ABCA1: variants seen among roughly 807,000 people sequenced by gnomAD.
ABCA1 encodes ATP binding cassette subfamily A member 1.
In ABCA1, 133 loss-of-function variants were observed where a neutral mutation model predicts 262.5. The ratio of observed to expected loss-of-function variants is 0.51; its 90% CI spans 0.44 to 0.59. ABCA1 has a LOEUF of 0.59. Among genes scored for constraint, ABCA1 ranks in the 20% least tolerant of loss-of-function variants. ABCA1 has a pLI of 0.00. For synonymous variants in ABCA1, 1,022 were observed against 1,043.5 expected, an observed-to-expected ratio of 0.98 and a Z score of 0.40; for missense variants, 2,452 against 2,777.5, an observed-to-expected ratio of 0.88 and a Z score of 2.63.
At chr9:104,903,793 G>A (rs1207356017) in intron 1 of ABCA1, 22 bp from the exon 2 acceptor site, 6 of 979,706 alleles carry the variant, frequency 6.1e-6, no homozygotes, top group South Asian at 1.4e-5. Context: ...AGCAGGAGGG[G>A]AAACAGCCAT....
intron 7 of ABCA1, among the ~76,000 whole-genome samples, chr9:104,854,433 A>T (rs550318583): frequency 6.6e-6 from 1 of 152,104 alleles, no homozygotes; most frequent in Admixed American, 6.6e-5. Flanking sequence ...ACTGCTAAGT[A>T]TTTGGTGACT....
rs775526221 is a variant in ABCA1, at chr9:104,821,506, C to G, written c.2829G>C (p.Met943Ile). ...GGGGGAACAACCCGGTCAGGATTGA[C>G]CTGAGGACAAAAATTTAGAAGTACA... ...GHNGAGKTTT[M>I]SILTGLFPPT... Residue 943 changes from methionine to isoleucine, a missense_variant and splice_region_variant, in exon 20 of 50, where the codon ATG becomes ATC. By Grantham distance (10) the Met-to-Ile change is conservative. Around this residue, in one of 4 missense-constraint regions of ABCA1, gnomAD observed 665 missense variants for 727.3 expected, o/e 0.91. Coordinates refer to ENST00000374736, the MANE Select transcript of ABCA1 (RefSeq NM_005502.4). The G allele has an allele frequency of 1.9e-6, 3 of 1,613,794 alleles. No homozygotes were observed. Among genetic ancestry groups the G allele is most frequent in the Non-Finnish European group, 2.5e-6 (3 of 1,179,988 alleles).
At chr9:104,913,260 CTTGAG>C (rs1348546059) in intron 1 of ABCA1, among the ~76,000 whole-genome samples, 2 of 152,130 alleles carry the variant, frequency 1.3e-5, no homozygotes, top group African/African-American at 2.4e-5. Context: ...CCTTTGTTGT[CTTGAG>C]TTAATTGTTT....
Position 104,798,516 on chromosome 9 carries a change from G to A in ABCA1, c.5026C>T (p.Leu1676=). ...GCTTTGCTGACCCGCTCCTGGATCAGGAATACGACAAAGCTGGCTGGGACG... is the reference window on the plus strand; with the variant it reads ...GCTTTGCTGACCCGCTCCTGGATCAAGAATACGACAAAGCTGGCTGGGACG... ...SFVPASFVVF[L]IQERVSKAKH... is the part of the protein sequence containing the mutation. The change falls in exon 37 of 50, where the codon CTG becomes TTG. Residue 1676 remains leucine (L), a synonymous_variant. Coordinates refer to ENST00000374736, the MANE Select transcript of ABCA1 (RefSeq NM_005502.4). 1.2e-6 allele frequency: 2 copies of A among 1,614,164 alleles called. No individual in the cohort carries two copies. The highest frequency in any genetic ancestry group is 1.7e-6 in the Non-Finnish European group (2 of 1,180,022).
At chr9:104,910,741 G>T (rs1841445445) in intron 1 of ABCA1, among the ~76,000 whole-genome samples, 1 of 152,072 alleles carries the variant, frequency 6.6e-6, no homozygotes, top group Non-Finnish European at 1.5e-5. Flanking sequence ...ATCTCACTCT[G>T]GTGCCCAGGT....
At chr9:104,803,345 T>C in intron 32 of ABCA1, 29 bp from the exon 33 acceptor site, 1 of 1,612,502 alleles carries the variant, frequency 6.2e-7, no homozygotes, top group Non-Finnish European at 8.5e-7. Flanking sequence ...AAAAAATCAG[T>C]TCAAAGAAAG....
At chr9:104,795,340 T>C (rs1829807061) in intron 39 of ABCA1, among the ~76,000 whole-genome samples, 1 of 152,110 alleles carries the variant, frequency 6.6e-6, no homozygotes, top group South Asian at 2.1e-4. Context: ...TAAAAGGCCT[T>C]GTGTGCTGTG....
At chr9:104,869,439 C>T (rs1261390679) in intron 5 of ABCA1, among the ~76,000 whole-genome samples, 1 of 152,096 alleles carries the variant, frequency 6.6e-6, no homozygotes, top group Non-Finnish European at 1.5e-5. Context: ...CAAATAAGAC[C>T]TTGAAATACT....
chr9:104,820,209 TA>T, intron 20 of ABCA1, 140 bp from the exon 21 acceptor site: 1 of 1,119,744 alleles, frequency 8.9e-7, no homozygotes, highest in South Asian at 1.3e-5. Context: ...TTCTGAAAAA[TA>T]ATCTTCAAGA....
intron 5 of ABCA1, among the ~76,000 whole-genome samples, chr9:104,871,604 G>T (rs1177883766): frequency 6.6e-6 from 1 of 152,136 alleles, no homozygotes; most frequent in Non-Finnish European, 1.5e-5. Flanking sequence ...GACCTGAACA[G>T]AATGAGAAGA....
chr9:104,882,030 A>AAAAAAAAAAAAAAAAAAAC lies in ABCA1; in HGVS notation c.421+1008_421+1009insGTTTTTTTTTTTTTTTTTT, dbSNP rs1423393114. Among the ~76,000 whole-genome samples, 30 of 36,328 alleles carry AAAAAAAAAAAAAAAAAAAC rather than the reference A, an allele frequency of 8.3e-4. 1 individual carries two copies. The highest frequency in any genetic ancestry group is 1.2e-3 in the Admixed American group (5 of 4,170). The allele number at this position is 36,328 out of a possible 152,430, so 23.8% of individuals were successfully genotyped here. The stretch of plus-strand genomic sequence containing the variant: ...AGGAAAGCACAGTTCTGTAGCCTTA[A>AAAAAAAAAAAAAAAAAAAC]AAAAAAAAAAAAAAAAAAAAAAAAA... On this transcript the variant is annotated intron_variant, in intron 5 of 49. Coordinates refer to ENST00000374736, the MANE Select transcript of ABCA1 (RefSeq NM_005502.4).
chr9:104,889,735 C>T (rs934553907), intron 2 of ABCA1, among the ~76,000 whole-genome samples: 2 of 152,198 alleles, frequency 1.3e-5, no homozygotes, highest in East Asian at 3.9e-4. Context: ...ATACACACAA[C>T]CCTTGCTCCT....
Position 104,827,178 on chromosome 9 carries a change from G to T in ABCA1, c.2116-9C>A. On this transcript the variant is annotated splice_polypyrimidine_tract_variant and intron_variant, in intron 15 of 49. Transcript: ENST00000374736. ...GGCAGCAGGTTTCCTAACTGGGAAG[G>T]AAGAGACACATCAAATGTGCTGCCT... 2 of 1,609,684 alleles carry T rather than the reference G, an allele frequency of 1.2e-6. No homozygotes were observed. The highest frequency in any genetic ancestry group is 1.7e-6 in the Non-Finnish European group (2 of 1,176,192).
intron 5 of ABCA1, among the ~76,000 whole-genome samples, chr9:104,864,585 CA>C (rs749096613): frequency 6.6e-6 from 1 of 151,902 alleles, no homozygotes; most frequent in Non-Finnish European, 1.5e-5. Context: ...AATGAAGGGT[CA>C]AAAAAGGCCT....
At position 104,862,749 on chromosome 9, in the gene ABCA1, A is replaced by G. The variant is rs1395879913; in HGVS notation, c.422-949T>C. On this transcript the variant is annotated intron_variant, in intron 5 of 49. Transcript: ENST00000374736. ...CACCCCCACCCCCACCCCCACCCCC[A>G]CCCCCAGAGTTTCTGATACAGCGGC... is the stretch of plus-strand genomic sequence containing the variant. Among the ~76,000 whole-genome samples, 236 of 73,318 alleles carry G rather than the reference A, an allele frequency of 3.2e-3. 12 individuals carry two copies. The highest frequency in any genetic ancestry group is 0.011 in the African/African-American group (220 of 20,064). 48.1% of individuals were successfully genotyped at this position (73,318 alleles called of 152,430 possible). A position where few individuals can be genotyped will look rare whatever the true frequency, so the allele number is the denominator to read the frequency against.
At chr9:104,787,077 T>A in intron 46 of ABCA1, 101 bp from the exon 47 acceptor site, 1 of 926,732 alleles carries the variant, frequency 1.1e-6, no homozygotes, top group Non-Finnish European at 1.7e-6. Flanking sequence ...GCTTAAATTT[T>A]AACTTGCCAT....
chr9:104,801,695 C>T (rs145989501), intron 34 of ABCA1, among the ~76,000 whole-genome samples: 1 of 152,162 alleles, frequency 6.6e-6, no homozygotes, highest in Non-Finnish European at 1.5e-5. Flanking sequence ...GTGTGTGCCA[C>T]CAAGCCCAGC....
intron 33 of ABCA1, 34 bp downstream of exon 33, chr9:104,803,250 C>G (rs372443360): frequency 1.2e-6 from 2 of 1,611,982 alleles, no homozygotes; most frequent in East Asian, 2.2e-5. Context: ...CATCCTCCCC[C>G]TGAGCTAAAC....
chr9:104,913,089 T>C lies in ABCA1; in HGVS notation c.-92-9318A>G, dbSNP rs114082932. Among the ~76,000 whole-genome samples the C allele has an allele frequency of 4.7e-3, 711 of 152,302 alleles. 4 individuals are homozygous for C. The highest frequency in any genetic ancestry group is 0.017 in the African/African-American group (686 of 41,568). ...TTGGATTACATCTCTGAAGAATCAG[T>C]GTCTTCAGATGTTCAACCTTCTCCC... On this transcript the variant is annotated intron_variant, in intron 1 of 49. Transcript: ENST00000374736.
Sources: gnomAD v4.1 joint callset for allele counts (sites outside exome capture counted in the v4.1 genomes callset) on GRCh38, gnomAD v4.1.1 for gene constraint, gnomAD v4.1.1 regional missense constraint, MANE v1.5 for transcripts, NCBI Gene and HGNC (gene_info 2026-07-23, HGNC 2026-07-21) for gene names.